Variants in OR51B5 observed in about 807,000 individuals in gnomAD.
The protein encoded by OR51B5 is olfactory receptor family 51 subfamily B member 5.
For missense variants in OR51B5, 456 were observed against 374.6 expected, an observed-to-expected ratio of 1.22 and a Z score of -1.79; for synonymous variants, 186 against 144.8, an observed-to-expected ratio of 1.28 and a Z score of -2.04.
At chr11:5,355,136 C>G (rs1453360870) in intron 1 of OR51B5, 1 of 177,876 alleles carries the variant, frequency 5.6e-6, no homozygotes, top group Non-Finnish European at 1.2e-5. Context: ...GCCTGCCCAC[C>G]TCCATCGGGC....
chr11:5,342,923 A>G, exon 1 of OR51B5: 1 of 1,614,014 alleles, frequency 6.2e-7, no homozygotes, highest in African/African-American at 1.3e-5. Context: ...TATAAAGACT[A>G]CAAGCACAGC....
chr11:5,487,613 C>G (rs1199767070), intron 1 of OR51B5, among the ~76,000 whole-genome samples: 1 of 152,176 alleles, frequency 6.6e-6, no homozygotes, highest in Admixed American at 6.5e-5. Context: ...TTTAGGGATA[C>G]ATGTTACTGA....
chr11:5,484,167 T>G (rs1275426948), intron 1 of OR51B5, among the ~76,000 whole-genome samples: 1 of 152,172 alleles, frequency 6.6e-6, no homozygotes, highest in Non-Finnish European at 1.5e-5. Flanking sequence ...AGCAATATGT[T>G]CAGTCAATGA....
At chr11:5,431,304 C>G in intron 1 of OR51B5, 1 of 303,076 alleles carries the variant, frequency 3.3e-6, no homozygotes, top group South Asian at 3.1e-5. Flanking sequence ...ACATCTGGGC[C>G]AGGCAGCCAT....
intron 1 of OR51B5, among the ~76,000 whole-genome samples, chr11:5,361,966 G>T (rs4338558): frequency 0.26 from 40,297 of 152,070 alleles, 5,594 homozygotes; most frequent in African/African-American, 0.31. Flanking sequence ...AATGACAAGG[G>T]TATAGACTAA....
chr11:5,369,598 T>C (rs1237638559), intron 1 of OR51B5, among the ~76,000 whole-genome samples: 1 of 152,170 alleles, frequency 6.6e-6, no homozygotes, highest in Non-Finnish European at 1.5e-5. Context: ...ATATACTCCA[T>C]GTATATTAAA....
intron 1 of OR51B5, among the ~76,000 whole-genome samples, chr11:5,433,986 T>C (rs1850563681): frequency 6.6e-6 from 1 of 152,210 alleles, no homozygotes; most frequent in Non-Finnish European, 1.5e-5. Flanking sequence ...TTTCCTGACA[T>C]GTGAAATGTG....
At chr11:5,365,815 G>C (rs1050574910) in intron 1 of OR51B5, among the ~76,000 whole-genome samples, 11 of 152,184 alleles carry the variant, frequency 7.2e-5, no homozygotes, top group African/African-American at 2.7e-4. Context: ...GCACATTATA[G>C]ATGCTTAGTA....
intron 1 of OR51B5, chr11:5,389,562 G>C (rs377517295): frequency 1.2e-6 from 2 of 1,613,790 alleles, no homozygotes; most frequent in East Asian, 2.2e-5. Flanking sequence ...TCAGGCAATT[G>C]TTTCATTCTG....
intron 1 of OR51B5, chr11:5,440,553 G>GAAA: frequency 6.3e-7 from 1 of 1,584,398 alleles, no homozygotes; most frequent in South Asian, 1.1e-5. Context: ...AGGAGCTTTT[G>GAAA]GGGCCTTCAG....
chr11:5,488,833 G>T (rs1460255527), intron 1 of OR51B5: 1 of 1,614,072 alleles, frequency 6.2e-7, no homozygotes, highest in South Asian at 1.1e-5. Flanking sequence ...TGTAGCACTG[G>T]TTGGAAATGC....
intron 1 of OR51B5, among the ~76,000 whole-genome samples, chr11:5,465,205 CAA>C (rs34459420): frequency 2.2e-4 from 10 of 45,422 alleles, no homozygotes; most frequent in African/African-American, 6.5e-4. Flanking sequence ...GACTCCGTCT[CAA>C]AAAAAAAAAA....
chr11:5,349,369 C>CA, intron 1 of OR51B5, among the ~76,000 whole-genome samples: 1 of 151,866 alleles, frequency 6.6e-6, no homozygotes, highest in East Asian at 1.9e-4. Context: ...ATTTGTTTCT[C>CA]AGCTTTATTT....
intron 1 of OR51B5, among the ~76,000 whole-genome samples, chr11:5,487,851 C>G (rs1218608197): frequency 6.6e-6 from 1 of 152,086 alleles, no homozygotes; most frequent in East Asian, 1.9e-4. Context: ...TCTGATTTAC[C>G]TCACACTTCC....
At chr11:5,412,966 T>G (rs1850173479) in intron 1 of OR51B5, among the ~76,000 whole-genome samples, 1 of 152,092 alleles carries the variant, frequency 6.6e-6, no homozygotes, top group Non-Finnish European at 1.5e-5. Flanking sequence ...CAGCTGGAGA[T>G]CTGAGGATGG....
rs1453650288 is a variant in OR51B5 at position 5,375,475 on chromosome 11, T to TA, written n.85-28566dup. On this transcript the variant is annotated intron_variant and non_coding_transcript_variant, in intron 1 of 4. Coordinates refer to the OR51B5 transcript ENST00000415970. Reference sequence around the variant, plus strand: ...ATAATGACAGGATCAAATTCACACATACAATATTAACTTTAAATGTAAATG... The same window carrying TA: ...ATAATGACAGGATCAAATTCACACATAACAATATTAACTTTAAATGTAAATG... Among the ~76,000 whole-genome samples the TA allele has an allele frequency of 2.5e-3, 386 of 151,776 alleles. 1 individual carries two copies. The highest frequency in any genetic ancestry group is 8.8e-3 in the African/African-American group (365 of 41,316).
At chr11:5,368,525 G>A (rs2133704577) in intron 1 of OR51B5, among the ~76,000 whole-genome samples, 1 of 152,252 alleles carries the variant, frequency 6.6e-6, no homozygotes, top group South Asian at 2.1e-4. Context: ...CCTTTGGGCT[G>A]AGAAGATACT....
rs1850922968 is a variant in OR51B5 at position 5,454,499 on chromosome 11, T to G, written n.84+51070A>C. The G allele has an allele frequency of 2.4e-5, 30 of 1,226,028 alleles. No homozygotes were observed. The South Asian group carries it at 3.7e-4, about 15-fold the overall frequency. 75.9% of individuals were successfully genotyped at this position (1,226,028 alleles called of 1,614,324 possible). A position where few individuals can be genotyped will look rare whatever the true frequency, so the allele number is the denominator to read the frequency against. On this transcript the variant is annotated intron_variant and non_coding_transcript_variant, in intron 1 of 4. Transcript: ENST00000415970. ...ATCAGTAGCATCGTCATCATCATCA[T>G]CAAAGTATAAGATAGATTGTGTGCT...
chr11:5,390,097 C>T, intron 1 of OR51B5: 1 of 1,613,786 alleles, frequency 6.2e-7, no homozygotes, highest in Non-Finnish European at 8.5e-7. Context: ...ATGGACTCAT[C>T]CTGCACACAG....
Sources: allele counts gnomAD v4.1 joint callset (sites outside exome capture counted in the v4.1 genomes callset), GRCh38; gene constraint gnomAD v4.1.1; transcripts MANE v1.5; gene names NCBI Gene and HGNC (gene_info 2026-07-23, HGNC 2026-07-21).